MGAT5: variants seen among roughly 807,000 people sequenced by gnomAD.
The protein encoded by MGAT5 is alpha-1,6-mannosylglycoprotein 6-beta-N-acetylglucosaminyltransferase, also known as alpha-1,6-mannosylglycoprotein 6-beta-N-acetylglucosaminyltransferase A.
MGAT5 carries 30 observed loss-of-function variants against 94.3 expected under a neutral mutation model. That is an observed-to-expected ratio of 0.32 (90% CI 0.24 to 0.43). The LOEUF (loss-of-function observed/expected upper bound fraction) is 0.43. Among genes scored for constraint, MGAT5 ranks in the 20% least tolerant of loss-of-function variants. The pLI, the probability that MGAT5 is intolerant of heterozygous loss-of-function variation, is 1.00. For synonymous variants in MGAT5, 310 were observed against 322.9 expected (o/e 0.96, Z 0.43); for missense variants, 691 against 905.5 (o/e 0.76, Z 3.04).
intron 1 of MGAT5, among the ~76,000 whole-genome samples, chr2:134,147,595 TAAAAA>T (rs58073087): frequency 8.9e-6 from 1 of 111,810 alleles, no homozygotes; most frequent in African/African-American, 2.7e-5. Context: ...ACAGAGTTAA[TAAAAA>T]AAAAAAAAAA....
chr2:134,140,204 C>T (rs1370998466), intron 1 of MGAT5, among the ~76,000 whole-genome samples: 1 of 152,218 alleles, frequency 6.6e-6, no homozygotes, highest in Non-Finnish European at 1.5e-5. Context: ...AGGAGAACCA[C>T]TGGCTACAAA....
intron 4 of MGAT5, among the ~76,000 whole-genome samples, chr2:134,328,679 A>T (rs1401465934): frequency 6.6e-6 from 1 of 152,062 alleles, no homozygotes; most frequent in Non-Finnish European, 1.5e-5. Context: ...CTGGAGATAG[A>T]GTGAGAACCA....
At chr2:134,284,050 C>T (rs949365163) in intron 2 of MGAT5, among the ~76,000 whole-genome samples, 1 of 152,170 alleles carries the variant, frequency 6.6e-6, no homozygotes, top group African/African-American at 2.4e-5. Flanking sequence ...TTCAGCACAT[C>T]ACATTATCTT....
At chr2:134,173,929 G>A (rs889947415) in intron 1 of MGAT5, among the ~76,000 whole-genome samples, 1 of 152,200 alleles carries the variant, frequency 6.6e-6, no homozygotes, top group African/African-American at 2.4e-5. Context: ...TCCTGAAGGT[G>A]GTGAAGTGGC....
chr2:134,297,871 A>G (rs1431225816), intron 2 of MGAT5, among the ~76,000 whole-genome samples: 1 of 152,024 alleles, frequency 6.6e-6, no homozygotes, highest in Admixed American at 6.6e-5. Flanking sequence ...GATTTGTTGT[A>G]TCATTCTCTG....
intron 4 of MGAT5, among the ~76,000 whole-genome samples, chr2:134,330,146 C>G (rs1687876232): frequency 6.6e-6 from 1 of 152,028 alleles, no homozygotes; most frequent in Non-Finnish European, 1.5e-5. Context: ...GATATATGAC[C>G]AACTAGCCTA....
intron 10 of MGAT5, among the ~76,000 whole-genome samples, chr2:134,402,058 A>G (rs1238011952): frequency 1.3e-5 from 2 of 152,228 alleles, no homozygotes; most frequent in Non-Finnish European, 2.9e-5. Context: ...GTCTGAAAAC[A>G]GGCTTAGAAT....
intron 1 of MGAT5, among the ~76,000 whole-genome samples, chr2:134,179,524 A>G (rs1049763394): frequency 2.6e-5 from 4 of 152,060 alleles, no homozygotes; most frequent in Non-Finnish European, 5.9e-5. Context: ...CAGAGACTTT[A>G]TAGAACAAGA....
chr2:134,187,906 G>T (rs1457501777), intron 1 of MGAT5, among the ~76,000 whole-genome samples: 2 of 152,170 alleles, frequency 1.3e-5, no homozygotes, highest in Non-Finnish European at 2.9e-5. Context: ...TAAGTAATAG[G>T]GAAAAATAAG....
chr2:134,205,879 C>T (rs943531990), intron 1 of MGAT5, among the ~76,000 whole-genome samples: 2 of 152,104 alleles, frequency 1.3e-5, no homozygotes, highest in African/African-American at 4.8e-5. Context: ...AGGAGCAGTT[C>T]TATAAATAGA....
In MGAT5 at chr2:134,453,769, C is replaced by A. The variant is rs763423166; in HGVS notation, c.*4922C>A. 6.6e-6 allele frequency: 1 copy of A among 152,222 alleles called. No individual in the cohort carries two copies. Among genetic ancestry groups the A allele is most frequent in the Non-Finnish European group, 1.5e-5 (1 of 68,052 alleles). 9.4% of individuals were successfully genotyped at this position (152,222 alleles called of 1,614,324 possible). On this transcript the variant is annotated 3_prime_UTR_variant, in exon 16 of 16. Coordinates refer to ENST00000281923, the MANE Select transcript of MGAT5 (RefSeq NM_002410.5). ...GGGGCAATGGGGCAGGGATTTTGGC[C>A]TCTCAGAACAGCTCCTAGAGGCTGC... is the stretch of plus-strand genomic sequence containing the variant.
intron 1 of MGAT5, among the ~76,000 whole-genome samples, chr2:134,194,828 A>C (rs369124011): frequency 3.3e-5 from 5 of 152,298 alleles, no homozygotes; most frequent in South Asian, 2.1e-4. Flanking sequence ...AATATCTTCC[A>C]TGAGCATTTG....
intron 14 of MGAT5, among the ~76,000 whole-genome samples, chr2:134,436,893 C>T (rs1301020013): frequency 2.0e-5 from 3 of 152,226 alleles, no homozygotes; most frequent in Non-Finnish European, 2.9e-5. Flanking sequence ...GGGCAAGGCT[C>T]CCAGTCTGCT....
At chr2:134,305,362 T>A (rs1194964494) in intron 2 of MGAT5, among the ~76,000 whole-genome samples, 2 of 152,180 alleles carry the variant, frequency 1.3e-5, no homozygotes, top group African/African-American at 2.4e-5. Flanking sequence ...AACCAACAGC[T>A]ATAAGACGCT....
At chr2:134,244,472 A>G (rs139868050) in intron 1 of MGAT5, among the ~76,000 whole-genome samples, 46 of 152,280 alleles carry the variant, frequency 3.0e-4, no homozygotes, top group African/African-American at 8.2e-4. Flanking sequence ...TGAGATTCTC[A>G]GTCAGTGCCC....
intron 7 of MGAT5, among the ~76,000 whole-genome samples, chr2:134,344,291 C>T (rs1433435476): frequency 1.3e-5 from 2 of 151,982 alleles, no homozygotes; most frequent in Non-Finnish European, 2.9e-5. Flanking sequence ...AACTGTAAAC[C>T]ATAGTGCTAG....
intron 4 of MGAT5, among the ~76,000 whole-genome samples, chr2:134,335,537 C>T (rs986563047): frequency 6.6e-6 from 1 of 151,950 alleles, no homozygotes; most frequent in Non-Finnish European, 1.5e-5. Flanking sequence ...CTCCTCCCCT[C>T]AATTTCTAAA....
At chr2:134,358,969 T>G (rs1679918095) in intron 9 of MGAT5, among the ~76,000 whole-genome samples, 3 of 152,206 alleles carry the variant, frequency 2.0e-5, no homozygotes, top group Admixed American at 1.3e-4. Flanking sequence ...CATACTCTGC[T>G]CAGGGACCAC....
At chr2:134,234,949 G>C (rs1681556724) in intron 1 of MGAT5, among the ~76,000 whole-genome samples, 1 of 151,704 alleles carries the variant, frequency 6.6e-6, no homozygotes, top group South Asian at 2.1e-4. Flanking sequence ...GGTGGTGGTT[G>C]TAAGGAAGGT....
Sources: allele counts gnomAD v4.1 joint callset (sites outside exome capture counted in the v4.1 genomes callset), GRCh38; gene constraint gnomAD v4.1.1; transcripts MANE v1.5; gene names NCBI Gene and HGNC (gene_info 2026-07-23, HGNC 2026-07-21).